XRN2: variants seen among roughly 807,000 people sequenced by gnomAD.
XRN2 encodes 5'-3' exoribonuclease 2.
In XRN2, 44 loss-of-function variants were observed where a neutral mutation model predicts 138.5. That is an observed-to-expected ratio of 0.32 (90% confidence interval 0.25 to 0.41). The LOEUF (loss-of-function observed/expected upper bound fraction) is 0.41. Among genes scored for constraint, XRN2 ranks in the 10% least tolerant of loss-of-function variants. The pLI, the probability that XRN2 is intolerant of heterozygous loss-of-function variation, is 1.00. For missense variants in XRN2, 937 were observed against 1,169.3 expected (o/e 0.80, Z 2.90); for synonymous variants, 354 against 369.4 (o/e 0.96, Z 0.48).
intron 1 of XRN2, among the ~76,000 whole-genome samples, chr20:21,310,233 T>C (rs773212364): frequency 2.6e-5 from 4 of 152,194 alleles, no homozygotes; most frequent in Non-Finnish European, 5.9e-5. Context: ...TTCACACACA[T>C]GGGAGATTTT....
chr20:21,348,563 C>T, intron 19 of XRN2, 133 bp downstream of exon 19: 1 of 782,804 alleles, frequency 1.3e-6, no homozygotes, highest in South Asian at 1.8e-5. Flanking sequence ...ACTCCAAACA[C>T]ACATATATTT....
At chr20:21,346,322 A>G (rs906559793) in intron 16 of XRN2, 93 bp from the exon 17 acceptor site, 71 of 1,483,788 alleles carry the variant, frequency 4.8e-5, no homozygotes, top group Non-Finnish European at 6.3e-5. Flanking sequence ...TCCCCTGGGT[A>G]TTAAATATAA....
At chr20:21,303,514 C>T (rs1261240799) in intron 1 of XRN2, 41 bp downstream of exon 1, 4 of 1,532,884 alleles carry the variant, frequency 2.6e-6, no homozygotes, top group Non-Finnish European at 3.5e-6. Flanking sequence ...GAGCCCGGGC[C>T]CCCGGCACGT....
chr20:21,320,501 G>A lies in XRN2; in HGVS notation c.76-5778G>A, dbSNP rs796558948. Among the ~76,000 whole-genome samples, 57 of 151,514 alleles carry A rather than the reference G, an allele frequency of 3.8e-4. 1 individual carries two copies. Among genetic ancestry groups the A allele is most frequent in the South Asian group, 2.9e-3 (14 of 4,798 alleles). ...TTTTTAGTAGAGACAGGGTTTCAGCGTGCTAGCCAGGATGGTCTCGATCTC... is the reference window on the plus strand; with the variant it reads ...TTTTTAGTAGAGACAGGGTTTCAGCATGCTAGCCAGGATGGTCTCGATCTC... On this transcript the variant is annotated intron_variant, in intron 1 of 29. Transcript: ENST00000377191.
intron 27 of XRN2, among the ~76,000 whole-genome samples, chr20:21,374,119 A>G (rs2038791952): frequency 6.6e-6 from 1 of 152,228 alleles, no homozygotes; most frequent in Non-Finnish European, 1.5e-5. Flanking sequence ...TATCTTAAAT[A>G]TCACTTTCTA....
At chr20:21,353,487 T>C (rs1259064434) in intron 20 of XRN2, among the ~76,000 whole-genome samples, 1 of 151,564 alleles carries the variant, frequency 6.6e-6, no homozygotes, top group Non-Finnish European at 1.5e-5. Context: ...AGTTTCTTTT[T>C]AACTTAAAAA....
At chr20:21,341,795 G>A (rs750122988) in intron 15 of XRN2, among the ~76,000 whole-genome samples, 1 of 152,112 alleles carries the variant, frequency 6.6e-6, no homozygotes, top group African/African-American at 2.4e-5. Context: ...TACCATCCCC[G>A]CAGAGCAGAA....
chr20:21,345,302 A>G (rs2038421881), intron 16 of XRN2, among the ~76,000 whole-genome samples: 2 of 152,216 alleles, frequency 1.3e-5, no homozygotes, highest in African/African-American at 4.8e-5. Context: ...GTTTAATCCT[A>G]GAGGAAATGC....
At chr20:21,339,178 C>A in intron 14 of XRN2, 90 bp downstream of exon 14, 7 of 1,345,172 alleles carry the variant, frequency 5.2e-6, no homozygotes, top group Non-Finnish European at 6.3e-6. Context: ...TATTCCTTGT[C>A]CAGTAGGACT....
intron 1 of XRN2, among the ~76,000 whole-genome samples, chr20:21,312,766 C>T (rs1178960529): frequency 6.6e-6 from 1 of 152,090 alleles, no homozygotes; most frequent in African/African-American, 2.4e-5. Context: ...ACCATGACGC[C>T]TGGCTAATTT....
chr20:21,314,674 T>C (rs920349352), intron 1 of XRN2, among the ~76,000 whole-genome samples: 1 of 151,810 alleles, frequency 6.6e-6, no homozygotes, highest in Non-Finnish European at 1.5e-5. Flanking sequence ...TTTTAAGAGA[T>C]GGGGTTTCTC....
At chr20:21,317,115 C>T (rs1180163028) in intron 1 of XRN2, among the ~76,000 whole-genome samples, 1 of 152,086 alleles carries the variant, frequency 6.6e-6, no homozygotes, top group Non-Finnish European at 1.5e-5. Flanking sequence ...ATTGCCCTGG[C>T]TGGAACCTCC....
Position 21,389,481 on chromosome 20 carries a change from T to A in XRN2, c.*143T>A. On this transcript the variant is annotated 3_prime_UTR_variant, in exon 30 of 30. Coordinates refer to ENST00000377191, the MANE Select transcript of XRN2 (RefSeq NM_012255.5). ...TTAACTGTGTATATTTCTACTGATC[T>A]GATCTCACTGTTTATGTTGCTTTCC... 1.5e-6 allele frequency: 1 copy of A among 682,254 alleles called. No homozygotes were observed. The highest frequency in any genetic ancestry group is 2.4e-6 in the Non-Finnish European group (1 of 424,784). The allele number at this position is 682,254 out of a possible 1,614,324, so 42.3% of individuals were successfully genotyped here. A position where few individuals can be genotyped will look rare whatever the true frequency, so the allele number is the denominator to read the frequency against.
intron 1 of XRN2, among the ~76,000 whole-genome samples, chr20:21,323,764 C>A (rs751762518): frequency 6.6e-6 from 1 of 152,134 alleles, no homozygotes; most frequent in Non-Finnish European, 1.5e-5. Context: ...AAGAGCTGTG[C>A]CTTTTCTTGT....
intron 27 of XRN2, among the ~76,000 whole-genome samples, chr20:21,372,852 G>T (rs1480868133): frequency 6.6e-6 from 1 of 151,726 alleles, no homozygotes; most frequent in Admixed American, 6.6e-5. Flanking sequence ...TATCCTGACT[G>T]CAGTATCATA....
chr20:21,351,284 A>G (rs1448250336), intron 20 of XRN2, among the ~76,000 whole-genome samples: 1 of 152,308 alleles, frequency 6.6e-6, no homozygotes, highest in East Asian at 1.9e-4. Flanking sequence ...TTTATTAGTA[A>G]TAACCATGCT....
rs1365791651 is a variant in XRN2 at position 21,346,617 on chromosome 20, TTTTG to T, written c.1665+75_1665+78del. ...TTAAGAAAAATAGTAATTTCTTTTT[TTTTG>T]TTTGTTTTTTGTTTTTGAGACGGAG... is the stretch of plus-strand genomic sequence containing the variant. On this transcript the variant is annotated intron_variant, in intron 17 of 29. Coordinates refer to ENST00000377191, the MANE Select transcript of XRN2 (RefSeq NM_012255.5). The T allele has an allele frequency of 3.8e-6, 6 of 1,567,800 alleles. No individual in the cohort carries two copies. The African/African-American group carries it at 4.1e-5, about 11-fold the overall frequency.
rs1600720850 is a variant in XRN2, at chr20:21,381,099, C to G, written c.2585-895C>G. 2.0e-5 allele frequency among the ~76,000 whole-genome samples: 3 copies of G among 151,950 alleles called. No individual in the cohort carries two copies. In the East Asian group the frequency reaches 6.0e-4, roughly 30 times the overall value. Reference sequence around the variant, plus strand: ...AACCAGAGATAAGCTTTCAACTCTTCTTTTCTTTAAGTAATTTTGAAAAGC... The same window carrying G: ...AACCAGAGATAAGCTTTCAACTCTTGTTTTCTTTAAGTAATTTTGAAAAGC... On this transcript the variant is annotated intron_variant, in intron 27 of 29. Coordinates refer to ENST00000377191, the MANE Select transcript of XRN2 (RefSeq NM_012255.5).
At chr20:21,366,232 T>A (rs1428069360) in intron 26 of XRN2, among the ~76,000 whole-genome samples, 2 of 134,148 alleles carry the variant, frequency 1.5e-5, no homozygotes, top group Admixed American at 8.4e-5. Context: ...ATATATATAT[T>A]ATATATATAA....
Sources: allele counts gnomAD v4.1 joint callset (sites outside exome capture counted in the v4.1 genomes callset), GRCh38; gene constraint gnomAD v4.1.1; transcripts MANE v1.5; gene names NCBI Gene and HGNC (gene_info 2026-07-23, HGNC 2026-07-21).